Variants in GRID1 observed in about 807,000 individuals in gnomAD.
The protein encoded by GRID1 is glutamate ionotropic receptor delta type subunit 1, also known as glutamate receptor ionotropic, delta-1.
GRID1 carries 28 observed loss-of-function variants against 98.0 expected under a neutral mutation model. The observed-to-expected ratio is 0.29, with a 90% CI of 0.21 to 0.39. GRID1 has a LOEUF of 0.39. Among genes scored for constraint, GRID1 ranks in the 10% least tolerant of loss-of-function variants. GRID1 has a pLI of 1.00. For synonymous variants in GRID1, 553 were observed against 538.5 expected, an observed-to-expected ratio of 1.03 and a Z score of -0.37; for missense variants, 1,111 against 1,340.5, an observed-to-expected ratio of 0.83 and a Z score of 2.67.
At chr10:86,088,952 A>T (rs1463347577) in intron 4 of GRID1, among the ~76,000 whole-genome samples, 1 of 152,072 alleles carries the variant, frequency 6.6e-6, no homozygotes, top group Non-Finnish European at 1.5e-5. Flanking sequence ...AAGGTCCAGG[A>T]AAGGGGTAGG....
chr10:85,784,922 C>A (rs1337575548), intron 8 of GRID1, among the ~76,000 whole-genome samples: 2 of 152,178 alleles, frequency 1.3e-5, no homozygotes, highest in African/African-American at 2.4e-5. Flanking sequence ...GCCTCACTTT[C>A]CTGTCCCCAT....
At chr10:86,221,898 T>TCTC (rs56750241) in intron 2 of GRID1, among the ~76,000 whole-genome samples, 9,696 of 149,324 alleles carry the variant, frequency 0.065, 383 homozygotes, top group Admixed American at 0.1. Flanking sequence ...TCCTCCTCCT[T>TCTC]CTCCTCCTCC....
chr10:86,219,010 T>C (rs2446021), intron 2 of GRID1, among the ~76,000 whole-genome samples: 32,265 of 152,128 alleles, frequency 0.21, 3,530 homozygotes, highest in South Asian at 0.36. Context: ...AGGCAAACCA[T>C]AGGCAATGGC....
chr10:85,945,166 A>G (rs1337772497), intron 4 of GRID1, among the ~76,000 whole-genome samples: 2 of 152,364 alleles, frequency 1.3e-5, no homozygotes, highest in Non-Finnish European at 2.9e-5. Flanking sequence ...AATTATGCAC[A>G]TGAATTACTA....
intron 4 of GRID1, among the ~76,000 whole-genome samples, chr10:85,991,154 G>T (rs79666605): frequency 6.6e-6 from 1 of 152,122 alleles, no homozygotes; most frequent in Admixed American, 6.5e-5. Context: ...ATGAGGTGAG[G>T]TCCCTGGCTT....
At chr10:86,343,504 C>T (rs1023341190) in intron 2 of GRID1, among the ~76,000 whole-genome samples, 2 of 152,202 alleles carry the variant, frequency 1.3e-5, no homozygotes, top group Admixed American at 6.5e-5. Flanking sequence ...TAGGTACCAT[C>T]GCTCCACTGC....
intron 15 of GRID1, among the ~76,000 whole-genome samples, chr10:85,608,227 G>C (rs1842694771): frequency 6.6e-6 from 1 of 152,142 alleles, no homozygotes; most frequent in African/African-American, 2.4e-5. Context: ...CCTTACCTTG[G>C]AATGTTGGCA....
At chr10:86,078,853 C>T (rs1843923936) in intron 4 of GRID1, among the ~76,000 whole-genome samples, 1 of 152,234 alleles carries the variant, frequency 6.6e-6, no homozygotes, top group African/African-American at 2.4e-5. Context: ...AGCATGGATG[C>T]CCCTGAGGGG....
intron 3 of GRID1, among the ~76,000 whole-genome samples, chr10:86,181,690 A>G (rs1845657835): frequency 6.6e-6 from 1 of 152,210 alleles, no homozygotes. Context: ...ATACTTTTCC[A>G]TAACTATTTC....
chr10:86,358,895 T>C (rs183738386), intron 2 of GRID1, among the ~76,000 whole-genome samples: 1 of 151,422 alleles, frequency 6.6e-6, no homozygotes, highest in African/African-American at 2.4e-5. Flanking sequence ...CAGGTCAGCA[T>C]GAGAGGATGT....
At chr10:86,016,966 G>A (rs1169835078) in intron 4 of GRID1, among the ~76,000 whole-genome samples, 1 of 152,192 alleles carries the variant, frequency 6.6e-6, no homozygotes, top group Non-Finnish European at 1.5e-5. Flanking sequence ...TTCGTTCAAT[G>A]AACTTTTACT....
chr10:85,930,119 G>A (rs1185418202), intron 4 of GRID1, among the ~76,000 whole-genome samples: 2 of 151,368 alleles, frequency 1.3e-5, no homozygotes, highest in African/African-American at 2.4e-5. Context: ...GCTCTGACTT[G>A]TAGTTATTTA....
At chr10:85,915,505 GCACA>G (rs200774432) in intron 5 of GRID1, among the ~76,000 whole-genome samples, 10 of 150,710 alleles carry the variant, frequency 6.6e-5, no homozygotes, top group Admixed American at 5.9e-4. Flanking sequence ...ATTTATACAT[GCACA>G]CACACACAGA....
chr10:86,252,758 G>A (rs935733687), intron 2 of GRID1, among the ~76,000 whole-genome samples: 10 of 152,166 alleles, frequency 6.6e-5, no homozygotes, highest in Non-Finnish European at 1.0e-4. Context: ...TAACATTACC[G>A]TCTCTGGGGG....
chr10:85,775,264 G>T (rs754226534), intron 8 of GRID1, among the ~76,000 whole-genome samples: 26 of 140,556 alleles, frequency 1.8e-4, no homozygotes, highest in Non-Finnish European at 3.1e-4. Flanking sequence ...CTCATAGGTG[G>T]GAATTGAACA....
intron 2 of GRID1, among the ~76,000 whole-genome samples, chr10:86,238,666 C>A (rs572841073): frequency 1.2e-3 from 124 of 106,820 alleles, no homozygotes; most frequent in African/African-American, 5.6e-3. Flanking sequence ...GAGATTCCAT[C>A]TCAAAAAAAA....
intron 12 of GRID1, among the ~76,000 whole-genome samples, chr10:85,692,103 T>C (rs60936050): frequency 0.068 from 10,287 of 152,244 alleles, 457 homozygotes; most frequent in African/African-American, 0.13. Flanking sequence ...TCTTTTCTTC[T>C]CACAGCTTTC....
intron 4 of GRID1, among the ~76,000 whole-genome samples, chr10:86,115,032 GGAAAGAGGAACA>G (rs988085777): frequency 1.3e-5 from 2 of 152,162 alleles, no homozygotes; most frequent in Non-Finnish European, 2.9e-5. Flanking sequence ...TTTGTTGGAG[GGAAAGAGGAACA>G]GAAAGAGGAG....
intron 12 of GRID1, among the ~76,000 whole-genome samples, chr10:85,679,446 C>T (rs758697477): frequency 7.9e-5 from 12 of 152,208 alleles, no homozygotes; most frequent in East Asian, 3.9e-4. Context: ...GACTTTTCCC[C>T]GACCAACAGG....
Sources: gnomAD v4.1 joint callset for allele counts (sites outside exome capture counted in the v4.1 genomes callset) on GRCh38, gnomAD v4.1.1 for gene constraint, MANE v1.5 for transcripts, NCBI Gene and HGNC (gene_info 2026-07-23, HGNC 2026-07-21) for gene names.